Variants in WHAMM observed in about 807,000 individuals in gnomAD.
WHAMM encodes the protein WASP homolog-associated protein with actin, membranes and microtubules.
A neutral mutation model predicts 76.5 loss-of-function variants in WHAMM; 67 were observed. That is an observed-to-expected ratio of 0.88 (90% CI 0.72 to 1.07). WHAMM has a LOEUF of 1.07. Among genes scored for constraint, WHAMM ranks in the 50% least tolerant of loss-of-function variants. The pLI is 0.00. For synonymous variants in WHAMM, 419 were observed against 422.1 expected, an observed-to-expected ratio of 0.99 and a Z score of 0.09; for missense variants, 1,021 against 1,051.1, an observed-to-expected ratio of 0.97 and a Z score of 0.40.
At chr15:82,822,656 T>C (rs1475357293) in intron 5 of WHAMM, among the ~76,000 whole-genome samples, 1 of 152,218 alleles carries the variant, frequency 6.6e-6, no homozygotes, top group African/African-American at 2.4e-5. Context: ...CAGGCTGGTC[T>C]TGAACTCCTG....
chr15:82,830,852 C>A lies in WHAMM; in HGVS notation c.1895C>A (p.Ser632Tyr), dbSNP rs1160074473. 2 of 1,588,940 alleles carry A rather than the reference C, an allele frequency of 1.3e-6. No individual in the cohort carries two copies. The highest frequency in any genetic ancestry group is 2.7e-5 in the African/African-American group (2 of 74,334). Residue 632 changes from serine (S) to tyrosine (Y), a missense_variant, in exon 9 of 10, where the codon TCC (serine) becomes TAC (tyrosine). Physicochemically the swap from Ser to Tyr is moderately radical, Grantham distance 144. Transcript: ENST00000286760. ...GTTGGTGATCAAACACATTCCAAATCCAGTGAGGAATTGTCACTGCCACCA... is the reference window on the plus strand; with the variant it reads ...GTTGGTGATCAAACACATTCCAAATACAGTGAGGAATTGTCACTGCCACCA... ...VPVGDQTHSK[S>Y]SEELSLPPPP...
In WHAMM at chr15:82,831,023, T is replaced by G; in HGVS notation, c.2066T>G (p.Val689Gly). ...PVKDDQPRPL[V>G]CESPAERPRD... is the part of the protein sequence containing the mutation. ...AAAGATGACCAGCCACGTCCTCTAG[T>G]GTGCGAATCACCTGCTGAGCGACCA... Residue 689 changes from valine to glycine, a missense_variant, in exon 9 of 10, where the codon GTG becomes GGG. Around this residue, in one of 3 missense-constraint regions of WHAMM, gnomAD observed 509 missense variants for 492.3 expected, o/e 1.03. Transcript: ENST00000286760. 1 of 1,611,686 alleles carries G rather than the reference T, an allele frequency of 6.2e-7. No individual in the cohort carries two copies. The highest frequency in any genetic ancestry group is 8.5e-7 in the Non-Finnish European group (1 of 1,179,794).
chr15:82,825,197 C>G (rs1327880738), intron 6 of WHAMM, among the ~76,000 whole-genome samples: 2 of 152,152 alleles, frequency 1.3e-5, no homozygotes, highest in East Asian at 3.8e-4. Flanking sequence ...AAGAATTGTA[C>G]TTCTGGATTT....
rs749167971 is a variant in WHAMM at position 82,823,164 on chromosome 15, CTG to C, written c.1340_1341del (p.Val447GlyfsTer6). ...ATCCAGAGGAACTTAAAGTCATTGA[CTG>C]TGTGGTGGGGCTGCAGGATGATAAG... ...ENPEELKVID[C>X]VVGLQDDKNL... On this transcript the variant is annotated frameshift_variant, in exon 6 of 10. Transcript: ENST00000286760. LOFTEE classifies it high-confidence loss of function. The C allele has an allele frequency of 2.2e-5, 34 of 1,558,046 alleles. No individual in the cohort carries two copies. Among genetic ancestry groups the C allele is most frequent in the East Asian group, 1.2e-4 (5 of 43,054 alleles).
chr15:82,809,742 C>A lies in WHAMM; in HGVS notation c.16C>A (p.Pro6Thr). The A allele has an allele frequency of 1.3e-6, 2 of 1,543,858 alleles. No individual in the cohort carries two copies. The highest frequency in any genetic ancestry group is 1.2e-5 in the South Asian group (1 of 82,252). The part of the protein sequence containing the change: MEDEQ[P>T]DSLEGWVPVR... Reference sequence around the variant, plus strand: ...GCCGACAGCCATGGAGGACGAGCAGCCTGACAGCCTGGAGGGCTGGGTGCC... The same window carrying A: ...GCCGACAGCCATGGAGGACGAGCAGACTGACAGCCTGGAGGGCTGGGTGCC... The change falls in exon 1 of 10, where the codon CCT (proline) becomes ACT (threonine). Residue 6 changes from proline to threonine, a missense_variant. By Grantham distance (38) the Pro-to-Thr change is conservative (BLOSUM62 -1). Transcript: ENST00000286760.
At chr15:82,824,885 C>T (rs1166009218) in intron 6 of WHAMM, among the ~76,000 whole-genome samples, 1 of 152,148 alleles carries the variant, frequency 6.6e-6, no homozygotes, top group Admixed American at 6.5e-5. Context: ...CGCTAGGTGC[C>T]ATGGCTTATG....
In WHAMM at chr15:82,833,624, C is replaced by T. The variant is rs1053932530; in HGVS notation, c.*88C>T. On this transcript the variant is annotated 3_prime_UTR_variant, in exon 10 of 10. Transcript: ENST00000286760. The stretch of plus-strand genomic sequence containing the variant: ...TATCGAAAAGCATACTAACAGGGTG[C>T]TGATAGATGGGCCACATAACACCCC... 7.2e-5 allele frequency: 102 copies of T among 1,409,710 alleles called. 1 individual carries two copies. The African/African-American group carries it at 1.2e-3, about 16-fold the overall frequency. 87.3% of individuals were successfully genotyped at this position (1,409,710 alleles called of 1,614,324 possible). A position where few individuals can be genotyped will look rare whatever the true frequency, so the allele number is the denominator to read the frequency against.
rs750551364 is a variant in WHAMM at position 82,830,877 on chromosome 15, A to ACCT, written c.1932_1934dup (p.Pro658dup). The ACCT allele has an allele frequency of 7.5e-5, 118 of 1,575,142 alleles. No homozygotes were observed. The African/African-American group carries it at 1.2e-3, about 16-fold the overall frequency. ...CCAGTGAGGAATTGTCACTGCCACC[A>ACCT]CCTCCTCCTCCTCCACCACCACCAC... On this transcript the variant is annotated inframe_insertion, in exon 9 of 10. Coordinates refer to ENST00000286760, the MANE Select transcript of WHAMM (RefSeq NM_001080435.3).
At chr15:82,813,453 G>A (rs1403788347) in intron 2 of WHAMM, among the ~76,000 whole-genome samples, 177 bp downstream of exon 2, 3 of 151,850 alleles carry the variant, frequency 2.0e-5, no homozygotes, top group Non-Finnish European at 4.4e-5. Context: ...GGCTGGTTTC[G>A]AACTCCTGAG....
chr15:82,830,680 A>G lies in WHAMM; in HGVS notation c.1723A>G (p.Met575Val). 2 of 1,613,978 alleles carry G rather than the reference A, an allele frequency of 1.2e-6. No homozygotes were observed. The highest frequency in any genetic ancestry group is 1.7e-6 in the Non-Finnish European group (2 of 1,179,886). Residue 575 changes from methionine to valine, a missense_variant, in exon 9 of 10, where the codon ATG becomes GTG. By Grantham distance (21) the Met-to-Val change is conservative. Coordinates refer to ENST00000286760, the MANE Select transcript of WHAMM (RefSeq NM_001080435.3). ...CCTGCCAAGTGATCTTTCCCAGCAGATGTGCTTGCCAGCTTCCCACGCGGT... is the reference window on the plus strand; with the variant it reads ...CCTGCCAAGTGATCTTTCCCAGCAGGTGTGCTTGCCAGCTTCCCACGCGGT... The part of the protein sequence containing the change: ...PNLPSDLSQQ[M>V]CLPASHAVSV...
At position 82,835,556 on chromosome 15, in the gene WHAMM, A is replaced by G. The variant is rs945258922; in HGVS notation, c.*2020A>G. ...TGGCATGGCCACTGCCAGGTTTCCC[A>G]GCCACTGCCAGGTTGCCCACGGGTC... On this transcript the variant is annotated 3_prime_UTR_variant, in exon 10 of 10. Coordinates refer to ENST00000286760, the MANE Select transcript of WHAMM (RefSeq NM_001080435.3). The G allele has an allele frequency of 6.6e-6, 1 of 151,980 alleles. No individual in the cohort carries two copies. The highest frequency in any genetic ancestry group is 2.4e-5 in the African/African-American group (1 of 41,424). 9.4% of individuals were successfully genotyped at this position (151,980 alleles called of 1,614,324 possible). A position where few individuals can be genotyped will look rare whatever the true frequency, so the allele number is the denominator to read the frequency against.
At chr15:82,815,111 TTATATATATATA>T (rs147147568) in intron 2 of WHAMM, among the ~76,000 whole-genome samples, 13 of 49,608 alleles carry the variant, frequency 2.6e-4, no homozygotes, top group South Asian at 9.9e-4. Context: ...CTCACAGATT[TTATATATATATA>T]TATATATATA....
Position 82,835,091 on chromosome 15 carries a change from C to CTGAT in WHAMM, c.*1560_*1563dup, listed in dbSNP as rs762073651. ...ACGCACCTCGTTTACAAAGAAAGTC[C>CTGAT]TGATTGATATAGAACAGAAATCTTC... On this transcript the variant is annotated 3_prime_UTR_variant, in exon 10 of 10. Coordinates refer to ENST00000286760, the MANE Select transcript of WHAMM (RefSeq NM_001080435.3). 2.6e-5 allele frequency: 4 copies of CTGAT among 151,818 alleles called. No homozygotes were observed. Among genetic ancestry groups the CTGAT allele is most frequent in the Admixed American group, 6.6e-5 (1 of 15,226 alleles). 9.4% of individuals were successfully genotyped at this position (151,818 alleles called of 1,614,324 possible). A position where few individuals can be genotyped will look rare whatever the true frequency, so the allele number is the denominator to read the frequency against.
chr15:82,815,399 T>C (rs1566992088), intron 2 of WHAMM, among the ~76,000 whole-genome samples: 1 of 152,040 alleles, frequency 6.6e-6, no homozygotes, highest in Non-Finnish European at 1.5e-5. Flanking sequence ...GGAGCAAATA[T>C]CAGGATTTCA....
rs369440469 is a variant in WHAMM at position 82,818,760 on chromosome 15, G to A, written c.1105-563G>A. On this transcript the variant is annotated intron_variant, in intron 4 of 9. Coordinates refer to ENST00000286760, the MANE Select transcript of WHAMM (RefSeq NM_001080435.3). ...TCACAGATTGGGTGGCTTAAACAAC[G>A]GACATGTATTTCTCACAGTTCTGGA... 3.5e-4 allele frequency among the ~76,000 whole-genome samples: 53 copies of A among 152,280 alleles called. 1 individual carries two copies. In the South Asian group the frequency reaches 9.9e-3, roughly 29 times the overall value.
At chr15:82,823,473 T>C (rs12595713) in intron 6 of WHAMM, among the ~76,000 whole-genome samples, 186 bp downstream of exon 6, 1,528 of 152,380 alleles carry the variant, frequency 0.01, 16 homozygotes, top group East Asian at 0.05. Context: ...TTTTTTCTTT[T>C]GGGATTTAAG....
chr15:82,829,442 T>C (rs1566998368), intron 8 of WHAMM, among the ~76,000 whole-genome samples: 1 of 152,216 alleles, frequency 6.6e-6, no homozygotes, highest in African/African-American at 2.4e-5. Context: ...TGGAGATCAG[T>C]TGGATGACCA....
intron 1 of WHAMM, among the ~76,000 whole-genome samples, chr15:82,812,520 G>A (rs1289683358): frequency 6.6e-6 from 1 of 152,178 alleles, no homozygotes; most frequent in Non-Finnish European, 1.5e-5. Flanking sequence ...GAGCCACCAC[G>A]CCTGGCCCTT....
At chr15:82,810,949 G>T (rs1332708128) in intron 1 of WHAMM, among the ~76,000 whole-genome samples, 1 of 152,142 alleles carries the variant, frequency 6.6e-6, no homozygotes, top group Non-Finnish European at 1.5e-5. Flanking sequence ...CTGAACCTAA[G>T]GGGAGGGGAA....
Sources: gnomAD v4.1 joint callset for allele counts (sites outside exome capture counted in the v4.1 genomes callset) on GRCh38, gnomAD v4.1.1 for gene constraint, gnomAD v4.1.1 regional missense constraint, MANE v1.5 for transcripts, NCBI Gene and HGNC (gene_info 2026-07-23, HGNC 2026-07-21) for gene names.